IQCM: variants seen among roughly 807,000 people sequenced by gnomAD.
IQCM encodes IQ motif containing M, also known as IQ domain-containing protein M.
IQCM carries 45 observed loss-of-function variants against 57.6 expected under a neutral mutation model. The ratio of observed to expected loss-of-function variants is 0.78; its 90% CI spans 0.62 to 1.00. The LOEUF (loss-of-function observed/expected upper bound fraction) is 1.00, where lower values mean the gene tolerates loss of function less well. Among genes scored for constraint, IQCM ranks in the 50% least tolerant of loss-of-function variants. The pLI, the probability that IQCM is intolerant of heterozygous loss-of-function variation, is 0.00. For missense variants in IQCM, 468 were observed against 511.6 expected, an observed-to-expected ratio of 0.91 and a Z score of 0.82; for synonymous variants, 148 against 158.9, an observed-to-expected ratio of 0.93 and a Z score of 0.51.
At chr4:149,803,326 A>G (rs917894230) in intron 2 of IQCM, among the ~76,000 whole-genome samples, 1 of 152,020 alleles carries the variant, frequency 6.6e-6, no homozygotes, top group Non-Finnish European at 1.5e-5. Context: ...CACCATATGC[A>G]TATTACAACA....
At chr4:149,418,234 A>G (rs1733887814) in intron 13 of IQCM, among the ~76,000 whole-genome samples, 1 of 152,036 alleles carries the variant, frequency 6.6e-6, no homozygotes, top group African/African-American at 2.4e-5. Context: ...AGAATCAAAT[A>G]GACACAATAA....
At chr4:149,689,931 A>G (rs1218331954) in intron 5 of IQCM, among the ~76,000 whole-genome samples, 1 of 152,114 alleles carries the variant, frequency 6.6e-6, no homozygotes, top group Non-Finnish European at 1.5e-5. Context: ...GCATGGATGC[A>G]GTGATCAGGG....
chr4:149,695,420 G>A (rs1190920922), intron 5 of IQCM, among the ~76,000 whole-genome samples: 5 of 152,164 alleles, frequency 3.3e-5, no homozygotes, highest in Non-Finnish European at 7.3e-5. Context: ...GGAATGAAAT[G>A]TACCCTTCAG....
chr4:149,780,835 G>C (rs1771537411), intron 2 of IQCM, among the ~76,000 whole-genome samples: 1 of 152,086 alleles, frequency 6.6e-6, no homozygotes, highest in African/African-American at 2.4e-5. Flanking sequence ...AGAACTAAAA[G>C]CCTAAGATAG....
chr4:149,514,562 T>TGA (rs1744748009), intron 12 of IQCM: 1 of 152,220 alleles, frequency 6.6e-6, no homozygotes, highest in Non-Finnish European at 1.5e-5. Context: ...AAACATTTAG[T>TGA]TAGCTCATGT....
chr4:149,678,523 C>T (rs1197555468), intron 7 of IQCM, among the ~76,000 whole-genome samples: 2 of 151,682 alleles, frequency 1.3e-5, no homozygotes, highest in Non-Finnish European at 2.9e-5. Flanking sequence ...TCTTACAATA[C>T]ATTCTAAAGG....
chr4:149,683,115 A>G (rs1465500671), intron 6 of IQCM, among the ~76,000 whole-genome samples: 3 of 151,162 alleles, frequency 2.0e-5, no homozygotes, highest in Non-Finnish European at 4.5e-5. Context: ...ATAGATTTCC[A>G]TGTTATTTTG....
intron 3 of IQCM, among the ~76,000 whole-genome samples, chr4:149,736,673 A>G (rs889398003): frequency 6.6e-6 from 1 of 152,212 alleles, no homozygotes; most frequent in Non-Finnish European, 1.5e-5. Flanking sequence ...GCTAAAATTG[A>G]AAAGACTGAT....
At chr4:149,409,295 G>A (rs1733204967) in intron 13 of IQCM, among the ~76,000 whole-genome samples, 1 of 152,216 alleles carries the variant, frequency 6.6e-6, no homozygotes, top group Non-Finnish European at 1.5e-5. Flanking sequence ...GGCTTAGCAG[G>A]GGTTGGACTG....
chr4:149,622,048 T>G (rs1756385968), intron 7 of IQCM, among the ~76,000 whole-genome samples: 1 of 152,302 alleles, frequency 6.6e-6, no homozygotes, highest in East Asian at 1.9e-4. Flanking sequence ...TTACATAAAT[T>G]TATAGAAAAC....
chr4:149,710,562 A>G (rs984118705), intron 5 of IQCM, among the ~76,000 whole-genome samples: 1 of 152,032 alleles, frequency 6.6e-6, no homozygotes, highest in Admixed American at 6.6e-5. Context: ...CCCATTAATA[A>G]ATGTGGTATT....
At chr4:149,546,778 C>T (rs1748481528) in intron 12 of IQCM, among the ~76,000 whole-genome samples, 1 of 152,126 alleles carries the variant, frequency 6.6e-6, no homozygotes, top group South Asian at 2.1e-4. Flanking sequence ...GTTGTCTGTT[C>T]ACTCTGATGG....
chr4:149,494,361 C>T (rs1010739783), intron 12 of IQCM, among the ~76,000 whole-genome samples: 2 of 152,192 alleles, frequency 1.3e-5, no homozygotes, highest in African/African-American at 4.8e-5. Context: ...AATACAATTG[C>T]ATAGGTATGA....
At chr4:149,442,741 C>G (rs1009545118) in intron 12 of IQCM, among the ~76,000 whole-genome samples, 1 of 151,884 alleles carries the variant, frequency 6.6e-6, no homozygotes, top group Non-Finnish European at 1.5e-5. Flanking sequence ...TTTCTGAGTC[C>G]TTATGAGCAG....
intron 2 of IQCM, among the ~76,000 whole-genome samples, chr4:149,788,538 T>C (rs1772285028): frequency 6.6e-6 from 1 of 152,152 alleles, no homozygotes; most frequent in African/African-American, 2.4e-5. Context: ...TTTTATACAC[T>C]GTTGGTGGGA....
intron 13 of IQCM, among the ~76,000 whole-genome samples, chr4:149,430,941 T>C (rs1734801312): frequency 6.6e-6 from 1 of 151,960 alleles, no homozygotes; most frequent in African/African-American, 2.4e-5. Flanking sequence ...AGCTCATGCC[T>C]GTAATTTCAG....
chr4:149,541,975 A>G (rs995005234), intron 12 of IQCM, among the ~76,000 whole-genome samples: 6 of 152,128 alleles, frequency 3.9e-5, no homozygotes, highest in African/African-American at 1.4e-4. Context: ...TAGACAATCT[A>G]AAATGCATAA....
intron 13 of IQCM, among the ~76,000 whole-genome samples, chr4:149,359,365 G>A (rs575817692): frequency 2.8e-4 from 43 of 152,160 alleles, no homozygotes; most frequent in African/African-American, 1.0e-3. Flanking sequence ...AAATATTAAT[G>A]ATGAGTTTGG....
intron 12 of IQCM, among the ~76,000 whole-genome samples, chr4:149,478,468 T>C (rs754301972): frequency 6.6e-6 from 1 of 152,160 alleles, no homozygotes; most frequent in Non-Finnish European, 1.5e-5. Flanking sequence ...ACAGTTTAGG[T>C]ACCAGGTGAA....
Sources: gnomAD v4.1 joint callset for allele counts (sites outside exome capture counted in the v4.1 genomes callset) on GRCh38, gnomAD v4.1.1 for gene constraint, MANE v1.5 for transcripts, NCBI Gene and HGNC (gene_info 2026-07-23, HGNC 2026-07-21) for gene names.